CNBD1: variants seen among roughly 807,000 people sequenced by gnomAD.
The protein encoded by CNBD1 is cyclic nucleotide binding domain containing 1, also known as cyclic nucleotide-binding domain-containing protein 1.
In CNBD1, 71 loss-of-function variants were observed where a neutral mutation model predicts 54.4. The ratio of observed to expected loss-of-function variants is 1.30; its 90% confidence interval spans 1.08 to 1.59. The LOEUF is 1.59. Ranked by LOEUF, CNBD1 falls within the 40% of genes most tolerant of loss-of-function variation. The pLI is 0.00. For missense variants in CNBD1, 659 were observed against 518.0 expected, an observed-to-expected ratio of 1.27 and a Z score of -2.64; for synonymous variants, 182 against 170.7, an observed-to-expected ratio of 1.07 and a Z score of -0.51.
chr8:87,234,862 A>C (rs1807541737), intron 5 of CNBD1, among the ~76,000 whole-genome samples: 1 of 152,166 alleles, frequency 6.6e-6, no homozygotes, highest in Non-Finnish European at 1.5e-5. Flanking sequence ...TTTAGCTATA[A>C]AAGTACTAGA....
chr8:87,096,117 G>A (rs539506504), intron 4 of CNBD1, among the ~76,000 whole-genome samples: 1 of 152,188 alleles, frequency 6.6e-6, no homozygotes, highest in South Asian at 2.1e-4. Flanking sequence ...GGACTATTTT[G>A]TAGGAAATGA....
chr8:87,231,564 T>C (rs577139004), intron 5 of CNBD1, among the ~76,000 whole-genome samples: 1 of 152,290 alleles, frequency 6.6e-6, no homozygotes, highest in East Asian at 1.9e-4. Flanking sequence ...TAGAATAGTG[T>C]CTCTCATATA....
At chr8:87,321,957 C>G (rs1010139323) in intron 8 of CNBD1, among the ~76,000 whole-genome samples, 1 of 146,752 alleles carries the variant, frequency 6.8e-6, no homozygotes, top group Non-Finnish European at 1.5e-5. Flanking sequence ...TCCCCGCTCC[C>G]CCCACCCCAC....
At chr8:87,176,262 G>A (rs1813195101) in intron 4 of CNBD1, among the ~76,000 whole-genome samples, 1 of 152,156 alleles carries the variant, frequency 6.6e-6, no homozygotes, top group South Asian at 2.1e-4. Flanking sequence ...CTCCTGCAGT[G>A]AGGATGATTG....
At chr8:87,207,699 T>C (rs1814006473) in intron 5 of CNBD1, among the ~76,000 whole-genome samples, 1 of 152,148 alleles carries the variant, frequency 6.6e-6, no homozygotes, top group African/African-American at 2.4e-5. Flanking sequence ...TTTTCAAACA[T>C]TTTCTAAAAT....
chr8:86,877,570 T>G (rs1463897208), intron 1 of CNBD1, among the ~76,000 whole-genome samples: 2 of 152,298 alleles, frequency 1.3e-5, no homozygotes, highest in Admixed American at 6.5e-5. Flanking sequence ...AGGCTTCCTC[T>G]TTTGGCTTGC....
intron 3 of CNBD1, among the ~76,000 whole-genome samples, chr8:86,933,209 C>T (rs1231504521): frequency 6.6e-6 from 1 of 152,100 alleles, no homozygotes; most frequent in Non-Finnish European, 1.5e-5. Flanking sequence ...TCGGGAATAA[C>T]CTTTTACTCT....
At chr8:87,371,287 G>C (rs1810787372) in intron 10 of CNBD1, among the ~76,000 whole-genome samples, 2 of 151,876 alleles carry the variant, frequency 1.3e-5, no homozygotes, top group South Asian at 4.1e-4. Context: ...AGCTTGATGG[G>C]GATGGCATTG....
chr8:87,411,682 T>A (rs1807749532), intron 2 of CNBD1, among the ~76,000 whole-genome samples: 1 of 150,746 alleles, frequency 6.6e-6, no homozygotes, highest in Admixed American at 6.6e-5. Context: ...CAACCATTAC[T>A]ATAATAATTG....
intron 4 of CNBD1, among the ~76,000 whole-genome samples, chr8:87,056,979 C>G (rs1432515223): frequency 1.3e-5 from 2 of 152,140 alleles, no homozygotes; most frequent in African/African-American, 2.4e-5. Flanking sequence ...GTGGATGGAA[C>G]CTGTGATTTG....
At chr8:86,931,143 G>A (rs1586142752) in intron 3 of CNBD1, among the ~76,000 whole-genome samples, 1 of 152,210 alleles carries the variant, frequency 6.6e-6, no homozygotes, top group East Asian at 1.9e-4. Context: ...CTGAGGAGGT[G>A]GGAGAAATAC....
intron 10 of CNBD1, among the ~76,000 whole-genome samples, chr8:87,376,076 A>C (rs1810924690): frequency 6.6e-6 from 1 of 151,956 alleles, no homozygotes; most frequent in Non-Finnish European, 1.5e-5. Context: ...TTTTAGTTCA[A>C]AGATTCAGCA....
chr8:87,308,320 A>T (rs1365175148), intron 8 of CNBD1, among the ~76,000 whole-genome samples: 1 of 152,178 alleles, frequency 6.6e-6, no homozygotes, highest in South Asian at 2.1e-4. Context: ...TTTTACCAAA[A>T]AAATCATGTT....
At chr8:87,244,763 A>C (rs575604539) in intron 6 of CNBD1, among the ~76,000 whole-genome samples, 3 of 152,262 alleles carry the variant, frequency 2.0e-5, no homozygotes, top group African/African-American at 7.2e-5. Flanking sequence ...GGAGCTTTTA[A>C]GGTGTTCAAT....
At chr8:87,173,160 A>G (rs1056111573) in intron 4 of CNBD1, among the ~76,000 whole-genome samples, 2 of 152,194 alleles carry the variant, frequency 1.3e-5, no homozygotes, top group African/African-American at 4.8e-5. Flanking sequence ...AGCAAAAAGA[A>G]AAGTAAAAAA....
At chr8:87,014,595 G>T (rs1019012366) in intron 4 of CNBD1, among the ~76,000 whole-genome samples, 50 of 151,868 alleles carry the variant, frequency 3.3e-4, no homozygotes, top group African/African-American at 9.9e-4. Flanking sequence ...TAAACTACAA[G>T]ATTAATTGGG....
intron 4 of CNBD1, among the ~76,000 whole-genome samples, chr8:87,058,598 C>T (rs1052337901): frequency 6.6e-6 from 1 of 152,186 alleles, no homozygotes; most frequent in Non-Finnish European, 1.5e-5. Context: ...AGGACCAACA[C>T]CACATGAATT....
intron 2 of CNBD1, among the ~76,000 whole-genome samples, chr8:87,390,753 A>C (rs1811291574): frequency 6.6e-6 from 1 of 152,178 alleles, no homozygotes; most frequent in African/African-American, 2.4e-5. Flanking sequence ...ATATACCCGA[A>C]GGCTTATAAA....
At chr8:87,381,128 A>C (rs991195049) in intron 10 of CNBD1, among the ~76,000 whole-genome samples, 17 of 152,156 alleles carry the variant, frequency 1.1e-4, no homozygotes, top group African/African-American at 4.1e-4. Flanking sequence ...ATATTTGCAA[A>C]CCGTGCAACT....
Sources: gnomAD v4.1 joint callset for allele counts (sites outside exome capture counted in the v4.1 genomes callset) on GRCh38, gnomAD v4.1.1 for gene constraint, MANE v1.5 for transcripts, NCBI Gene and HGNC (gene_info 2026-07-23, HGNC 2026-07-21) for gene names.